The following GLB1 variants were observed in gnomAD, a reference collection of about 807,000 sequenced individuals.
GLB1 encodes the protein beta-galactosidase.
In GLB1, 56 loss-of-function variants were observed where a neutral mutation model predicts 74.0. The observed-to-expected ratio is 0.76, with a 90% CI of 0.61 to 0.94. The LOEUF is 0.94. Among genes scored for constraint, GLB1 ranks in the 40% least tolerant of loss-of-function variants. GLB1 has a pLI of 0.00. For missense variants in GLB1, 787 were observed against 845.5 expected (o/e 0.93, Z 0.86); for synonymous variants, 323 against 323.6 (o/e 1.00, Z 0.02).
Position 33,097,141 on chromosome 3 carries a change from T to C in GLB1, c.-56A>G. The C allele has an allele frequency of 6.3e-7, 1 of 1,598,662 alleles. No homozygotes were observed. The highest frequency in any genetic ancestry group is 8.5e-7 in the Non-Finnish European group (1 of 1,171,890). ...GCCCAGGCCGGCCGCTTCGCGTCACTTGACTAAGGACCCACGGCCTGGCAC... is the reference window on the plus strand; with the variant it reads ...GCCCAGGCCGGCCGCTTCGCGTCACCTGACTAAGGACCCACGGCCTGGCAC... On this transcript the variant is annotated 5_prime_UTR_variant, in exon 1 of 16. Coordinates refer to ENST00000307363, the MANE Select transcript of GLB1 (RefSeq NM_000404.4).
intron 2 of GLB1, 133 bp from the exon 3 acceptor site, chr3:33,069,103 T>C (rs1699801737): frequency 6.1e-6 from 9 of 1,484,970 alleles, no homozygotes; most frequent in Admixed American, 1.9e-5. Context: ...AGAAAAATTA[T>C]CCAAGGCTGG....
chr3:33,058,246 G>C lies in GLB1; in HGVS notation c.576C>G (p.Tyr192Ter). 1 of 1,614,076 alleles carries C rather than the reference G, an allele frequency of 6.2e-7. No individual in the cohort carries two copies. ...GCAGGTAGTCAAAATCACAGGCAAA[G>C]TAGCTGCCATATTCATTTTCAACCT... is the stretch of plus-strand genomic sequence containing the variant. ...TVQVENEYGS[Y>*]FACDFDYLRF... The change falls in exon 6 of 16, where the codon TAC becomes TAG. Residue 192 changes from tyrosine to a stop codon, truncating the protein, a stop_gained. Coordinates refer to ENST00000307363, the MANE Select transcript of GLB1 (RefSeq NM_000404.4). LOFTEE classifies it high-confidence loss of function.
intron 6 of GLB1, among the ~76,000 whole-genome samples, chr3:33,054,645 T>C (rs1034338715): frequency 6.6e-6 from 1 of 152,210 alleles, no homozygotes. Flanking sequence ...CTAATTGTGT[T>C]TACCCCTGAA....
At chr3:33,039,432 G>A (rs932056163) in intron 10 of GLB1, among the ~76,000 whole-genome samples, 2 of 152,082 alleles carry the variant, frequency 1.3e-5, no homozygotes, top group African/African-American at 4.8e-5. Flanking sequence ...CAGAGAACTG[G>A]AAACAATTTT....
At chr3:32,983,312 C>A in the GLB1 span, among the ~76,000 whole-genome samples, 4 of 152,066 alleles carry the variant, frequency 2.6e-5, no homozygotes, top group African/African-American at 9.7e-5. Flanking sequence ...GTTTTCTATG[C>A]TACATTCTAT....
At chr3:32,981,597 A>G in the GLB1 span, among the ~76,000 whole-genome samples, 1 of 151,694 alleles carries the variant, frequency 6.6e-6, no homozygotes, top group Non-Finnish European at 1.5e-5. Context: ...AACATGAGGA[A>G]ACCTCGTTTC....
chr3:33,065,366 C>G (rs900449364), intron 5 of GLB1, 97 bp downstream of exon 5: 4 of 1,466,526 alleles, frequency 2.7e-6, no homozygotes, highest in African/African-American at 2.8e-5. Flanking sequence ...AAGAAACAGA[C>G]CTATGAGGCT....
chr3:33,095,651 G>A (rs1261714779), intron 1 of GLB1, among the ~76,000 whole-genome samples: 1 of 152,156 alleles, frequency 6.6e-6, no homozygotes, highest in Admixed American at 6.5e-5. Context: ...AGACTGATGA[G>A]CTCACATCAG....
rs1016294299 is a variant in GLB1 at position 33,067,294 on chromosome 3, C to T, written c.457+936G>A. ...CTGGGATTACAGGCATGAGCCACTACGCCCGACCTTATTTCTTTTTTTGAG... is the reference window on the plus strand; with the variant it reads ...CTGGGATTACAGGCATGAGCCACTATGCCCGACCTTATTTCTTTTTTTGAG... On this transcript the variant is annotated intron_variant, in intron 4 of 15. Transcript: ENST00000307363. Among the ~76,000 whole-genome samples the T allele has an allele frequency of 3.5e-4, 53 of 151,632 alleles. 1 individual carries two copies. The South Asian group carries it at 7.3e-3, about 21-fold the overall frequency.
chr3:33,002,162 G>A (rs1696598765), intron 15 of GLB1, among the ~76,000 whole-genome samples: 1 of 152,068 alleles, frequency 6.6e-6, no homozygotes, highest in African/African-American at 2.4e-5. Context: ...CTTGACCCTG[G>A]CAGACTCTCC....
chr3:32,979,227 C>A, the GLB1 span, among the ~76,000 whole-genome samples: 2 of 152,026 alleles, frequency 1.3e-5, no homozygotes, highest in African/African-American at 2.4e-5. Context: ...CCACCTGCTC[C>A]GGTCTCCCAA....
chr3:33,024,485 T>C, intron 10 of GLB1, 160 bp from the exon 11 acceptor site: 2 of 746,768 alleles, frequency 2.7e-6, no homozygotes, highest in Non-Finnish European at 4.2e-6. Context: ...CAAAGCAGGA[T>C]CTGGTAAATT....
intron 15 of GLB1, among the ~76,000 whole-genome samples, chr3:33,012,986 A>G (rs919197139): frequency 9.9e-5 from 15 of 152,204 alleles, no homozygotes; most frequent in Non-Finnish European, 1.2e-4. Context: ...GGGTCAGAGG[A>G]GCTTGTCAGA....
At position 33,058,247 on chromosome 3, in the gene GLB1, T is replaced by C; in HGVS notation, c.575A>G (p.Tyr192Cys). Residue 192 changes from tyrosine to cysteine, a missense_variant, in exon 6 of 16, where the codon TAC (tyrosine) becomes TGC (cysteine). Transcript: ENST00000307363. ...TVQVENEYGSYFACDFDYLRF... is the reference protein window; with the variant it reads ...TVQVENEYGSCFACDFDYLRF... The stretch of plus-strand genomic sequence containing the variant: ...CAGGTAGTCAAAATCACAGGCAAAG[T>C]AGCTGCCATATTCATTTTCAACCTG... The C allele has an allele frequency of 6.2e-7, 1 of 1,614,046 alleles. No individual in the cohort carries two copies. Among genetic ancestry groups the C allele is most frequent in the East Asian group, 2.2e-5 (1 of 44,876 alleles).
the GLB1 span, among the ~76,000 whole-genome samples, chr3:32,974,760 AAGG>A: frequency 1.3e-5 from 2 of 152,184 alleles, no homozygotes; most frequent in Non-Finnish European, 2.9e-5. Flanking sequence ...GTCAGTCAGG[AAGG>A]AGGAGTCCCC....
intron 10 of GLB1, chr3:33,045,381 T>C (rs113641763): frequency 1.3e-4 from 127 of 985,048 alleles, no homozygotes; most frequent in African/African-American, 4.4e-4. Flanking sequence ...TCTACTTTTA[T>C]ATAAAGGGAA....
At chr3:33,063,976 A>G (rs6805872) in intron 5 of GLB1, among the ~76,000 whole-genome samples, 147,807 of 151,972 alleles carry the variant, frequency 0.97, 71,996 homozygotes, top group East Asian at 1. Flanking sequence ...TGAAAGGCAA[A>G]GCAGTGCCCA....
intron 15 of GLB1, among the ~76,000 whole-genome samples, chr3:32,999,933 G>A (rs1050076312): frequency 3.3e-5 from 5 of 151,324 alleles, no homozygotes; most frequent in Admixed American, 2.0e-4. Context: ...TTACAGGCGT[G>A]AGCCACCATG....
At chr3:33,001,738 T>G (rs981763125) in intron 15 of GLB1, among the ~76,000 whole-genome samples, 14 of 152,206 alleles carry the variant, frequency 9.2e-5, no homozygotes, top group African/African-American at 3.4e-4. Flanking sequence ...CTGCTGCTAC[T>G]TGTTGATAAT....
Sources: allele counts gnomAD v4.1 joint callset (sites outside exome capture counted in the v4.1 genomes callset), GRCh38; gene constraint gnomAD v4.1.1; transcripts MANE v1.5; gene names NCBI Gene and HGNC (gene_info 2026-07-23, HGNC 2026-07-21).